Variants in SLC13A3 observed in about 807,000 individuals in gnomAD.
SLC13A3 encodes solute carrier family 13 member 3.
SLC13A3 carries 40 observed loss-of-function variants against 59.0 expected under a neutral mutation model. That is an observed-to-expected ratio of 0.68 (90% confidence interval 0.53 to 0.88). The LOEUF (loss-of-function observed/expected upper bound fraction) is 0.88, where lower values mean the gene tolerates loss of function less well. Among genes scored for constraint, SLC13A3 ranks in the 40% least tolerant of loss-of-function variants. SLC13A3 has a pLI of 0.00. For missense variants in SLC13A3, 699 were observed against 783.2 expected (o/e 0.89, Z 1.28); for synonymous variants, 317 against 330.3 (o/e 0.96, Z 0.44).
At chr20:46,579,191 C>A (rs916781294) in intron 9 of SLC13A3, among the ~76,000 whole-genome samples, 1 of 152,058 alleles carries the variant, frequency 6.6e-6, no homozygotes, top group African/African-American at 2.4e-5. Context: ...GGCTGGAGTG[C>A]AGTGGCAACA....
intron 10 of SLC13A3, among the ~76,000 whole-genome samples, chr20:46,572,942 AC>A (rs1404989488): frequency 6.6e-6 from 1 of 151,854 alleles, no homozygotes; most frequent in Non-Finnish European, 1.5e-5. Context: ...TCCCTAAGAC[AC>A]CCCCAGCAGG....
chr20:46,656,541 A>G (rs1287156337), intron 1 of SLC13A3, among the ~76,000 whole-genome samples: 1 of 145,274 alleles, frequency 6.9e-6, no homozygotes, highest in African/African-American at 2.5e-5. Flanking sequence ...ACTATACAGT[A>G]CATATATTAT....
chr20:46,640,605 A>G (rs569114746), intron 1 of SLC13A3, among the ~76,000 whole-genome samples: 1 of 152,324 alleles, frequency 6.6e-6, no homozygotes, highest in African/African-American at 2.4e-5. Context: ...CCTTCCCAGC[A>G]GGTATCATTA....
At chr20:46,684,019 C>T (rs2063166801) in intron 1 of SLC13A3, among the ~76,000 whole-genome samples, 2 of 152,144 alleles carry the variant, frequency 1.3e-5, no homozygotes, top group African/African-American at 4.8e-5. Flanking sequence ...AAGAACAAAA[C>T]CCAACCTTGT....
At chr20:46,561,843 T>C (rs1030094343) in intron 12 of SLC13A3, among the ~76,000 whole-genome samples, 1 of 152,158 alleles carries the variant, frequency 6.6e-6, no homozygotes, top group African/African-American at 2.4e-5. Context: ...TGGGGGAGGA[T>C]TGGGTCTCCC....
chr20:46,632,288 C>G (rs985945980), intron 1 of SLC13A3, among the ~76,000 whole-genome samples: 1 of 152,162 alleles, frequency 6.6e-6, no homozygotes, highest in Non-Finnish European at 1.5e-5. Flanking sequence ...ACTGAGCCTG[C>G]GAAGTGCCAG....
chr20:46,605,037 C>T (rs2062423830), intron 3 of SLC13A3, among the ~76,000 whole-genome samples: 1 of 152,280 alleles, frequency 6.6e-6, no homozygotes, highest in East Asian at 1.9e-4. Flanking sequence ...ACCAGTTTGC[C>T]ACAGCCCTCG....
chr20:46,610,626 A>G lies in SLC13A3; in HGVS notation c.378-17T>C. 6.2e-7 allele frequency: 1 copy of G among 1,601,718 alleles called. No individual in the cohort carries two copies. Among genetic ancestry groups the G allele is most frequent in the Non-Finnish European group, 8.5e-7 (1 of 1,173,986 alleles). ...AGGATGAGCCTGCAGAGCAGATGGC[A>G]TTAGAGGCAAATCCAGAACCCAGGG... is the stretch of plus-strand genomic sequence containing the variant. On this transcript the variant is annotated splice_polypyrimidine_tract_variant and intron_variant, in intron 2 of 12. Transcript: ENST00000279027.
At chr20:46,622,621 CGTGT>C (rs11469544) in intron 1 of SLC13A3, among the ~76,000 whole-genome samples, 14,404 of 133,884 alleles carry the variant, frequency 0.11, 720 homozygotes, top group Middle Eastern at 0.19. Context: ...GTGGTGTGTG[CGTGT>C]GTGTGTGTGT....
chr20:46,576,818 C>T (rs1193285489), intron 9 of SLC13A3, among the ~76,000 whole-genome samples: 1 of 152,172 alleles, frequency 6.6e-6, no homozygotes, highest in Non-Finnish European at 1.5e-5. Flanking sequence ...TCCTTTTGAG[C>T]TTTTTCCAAA....
chr20:46,640,546 A>T (rs1394734610), intron 1 of SLC13A3, among the ~76,000 whole-genome samples: 1 of 152,136 alleles, frequency 6.6e-6, no homozygotes, highest in Non-Finnish European at 1.5e-5. Context: ...GATAATAGCA[A>T]CAGCAGCAAT....
At chr20:46,683,808 G>A (rs1480870978) in intron 1 of SLC13A3, among the ~76,000 whole-genome samples, 1 of 152,164 alleles carries the variant, frequency 6.6e-6, no homozygotes, top group Non-Finnish European at 1.5e-5. Context: ...GTGGCTGCCA[G>A]GTCCTGTGCC....
chr20:46,564,343 T>C (rs1261383542), intron 11 of SLC13A3, among the ~76,000 whole-genome samples: 2 of 152,240 alleles, frequency 1.3e-5, no homozygotes, highest in African/African-American at 2.4e-5. Context: ...CTGATCACTT[T>C]TATGGCGTTT....
intron 3 of SLC13A3, among the ~76,000 whole-genome samples, chr20:46,605,532 A>G (rs2062429908): frequency 6.6e-6 from 1 of 152,196 alleles, no homozygotes; most frequent in Non-Finnish European, 1.5e-5. Flanking sequence ...TTTCACATTT[A>G]TAATCTTACA....
At chr20:46,636,878 G>A (rs1249952807) in intron 1 of SLC13A3, among the ~76,000 whole-genome samples, 1 of 151,364 alleles carries the variant, frequency 6.6e-6, no homozygotes, top group Non-Finnish European at 1.5e-5. Context: ...TCAGCTCACT[G>A]CAGCCTCCGC....
chr20:46,590,925 G>C (rs2062247759), intron 6 of SLC13A3, among the ~76,000 whole-genome samples: 1 of 151,886 alleles, frequency 6.6e-6, no homozygotes, highest in Non-Finnish European at 1.5e-5. Context: ...CAGCTGTTTG[G>C]GGGGCCGAGG....
intron 10 of SLC13A3, among the ~76,000 whole-genome samples, chr20:46,571,417 A>T (rs1210463418): frequency 2.6e-5 from 4 of 152,210 alleles, no homozygotes; most frequent in Admixed American, 2.6e-4. Context: ...TTAATGCAAT[A>T]ATAACAGTAA....
At chr20:46,661,553 T>C (rs1391738018) in intron 1 of SLC13A3, among the ~76,000 whole-genome samples, 1 of 152,234 alleles carries the variant, frequency 6.6e-6, no homozygotes, top group Non-Finnish European at 1.5e-5. Context: ...GAGTTCTCTC[T>C]CTTGTGTAGA....
At chr20:46,674,604 CGTGTGTGTGTGTGTGTGT>C (rs58582046), upstream of SLC13A3, among the ~76,000 whole-genome samples, 1 of 127,882 alleles carries the variant, frequency 7.8e-6, no homozygotes, top group East Asian at 2.3e-4. Flanking sequence ...CGCGCGCGCG[CGTGTGTGTGTGTGTGTGT>C]GTGTGTGTGT....
Sources: allele counts gnomAD v4.1 joint callset (sites outside exome capture counted in the v4.1 genomes callset), GRCh38; gene constraint gnomAD v4.1.1; transcripts MANE v1.5; gene names NCBI Gene and HGNC (gene_info 2026-07-23, HGNC 2026-07-21).